Variants in PHLDB3 observed in about 807,000 individuals in gnomAD.
PHLDB3 encodes the protein pleckstrin homology-like domain family B member 3.
In PHLDB3, 86 loss-of-function variants were observed where a neutral mutation model predicts 85.7. The ratio of observed to expected loss-of-function variants is 1.00; its 90% CI spans 0.84 to 1.20. The LOEUF (loss-of-function observed/expected upper bound fraction) is 1.20, where lower values mean the gene tolerates loss of function less well. PHLDB3 is among the 50% of genes most tolerant of loss of function. The pLI, the probability that PHLDB3 is intolerant of heterozygous loss-of-function variation, is 0.00. For missense variants in PHLDB3, 995 were observed against 873.0 expected, an observed-to-expected ratio of 1.14 and a Z score of -1.76; for synonymous variants, 376 against 349.8, an observed-to-expected ratio of 1.07 and a Z score of -0.83.
At chr19:43,493,846 C>A (rs2145928964) in intron 9 of PHLDB3, among the ~76,000 whole-genome samples, 1 of 152,104 alleles carries the variant, frequency 6.6e-6, no homozygotes, top group South Asian at 2.1e-4. Context: ...GTTGAATATC[C>A]CTTCTCCAAA....
chr19:43,487,185 C>A (rs2145911649), intron 9 of PHLDB3, 62 bp from the exon 10 acceptor site: 1 of 1,407,724 alleles, frequency 7.1e-7, no homozygotes, highest in Non-Finnish European at 9.8e-7. Flanking sequence ...TAAGTCAGAG[C>A]ACTGCCCAGT....
chr19:43,486,732 T>C (rs376455272), intron 11 of PHLDB3, 36 bp from the exon 12 acceptor site: 35 of 1,612,590 alleles, frequency 2.2e-5, no homozygotes, highest in Non-Finnish European at 2.8e-5. Context: ...TGGGTTACAG[T>C]GGCTGGGCCT....
chr19:43,498,784 C>A (rs1450296889), intron 4 of PHLDB3, among the ~76,000 whole-genome samples: 1 of 152,056 alleles, frequency 6.6e-6, no homozygotes, highest in African/African-American at 2.4e-5. Flanking sequence ...AATCAGGGAG[C>A]ATTTGGATCT....
At chr19:43,501,893 T>C (rs1382455676) in intron 3 of PHLDB3, 22 bp from the exon 4 acceptor site, 1 of 1,571,330 alleles carries the variant, frequency 6.4e-7, no homozygotes, top group Non-Finnish European at 8.6e-7. Context: ...ATGCCAGGGC[T>C]GGGGGCTCGG....
chr19:43,502,196 G>GGCGCC lies in PHLDB3; in HGVS notation c.296_300dup (p.Leu101GlyfsTer11). ...AATGCCTCCAGCTGCTGTCCTTGCA[G>GGCGCC]GCGCCGCGCCGCCCCTCGCACCCCT... On this transcript the variant is annotated frameshift_variant, in exon 3 of 16. Transcript: ENST00000292140. LOFTEE classifies it high-confidence loss of function. 6.4e-7 allele frequency: 1 copy of GGCGCC among 1,571,822 alleles called. No individual in the cohort carries two copies. Among genetic ancestry groups the GGCGCC allele is most frequent in the East Asian group, 2.4e-5 (1 of 42,330 alleles).
chr19:43,497,940 T>C (rs1338801376), intron 4 of PHLDB3, 64 bp from the exon 5 acceptor site: 2 of 1,544,008 alleles, frequency 1.3e-6, no homozygotes, highest in East Asian at 2.4e-5. Context: ...CAGCCAGCCA[T>C]ATCTCAGAGC....
chr19:43,477,093 C>T (rs374864558), intron 15 of PHLDB3, among the ~76,000 whole-genome samples: 6 of 152,184 alleles, frequency 3.9e-5, no homozygotes, highest in Non-Finnish European at 5.9e-5. Context: ...GCATGAGCCA[C>T]GACGCCTGGC....
intron 13 of PHLDB3, chr19:43,485,834 C>A (rs550096511): frequency 2.3e-6 from 1 of 441,266 alleles, no homozygotes; most frequent in Non-Finnish European, 3.0e-6. Context: ...CAGGCATGAG[C>A]CACTGCACCC....
intron 15 of PHLDB3, among the ~76,000 whole-genome samples, chr19:43,476,275 T>C (rs1970925317): frequency 6.6e-6 from 1 of 152,204 alleles, no homozygotes; most frequent in Admixed American, 6.5e-5. Flanking sequence ...GTAAATCCCT[T>C]ATGTCCATAA....
intron 4 of PHLDB3, 101 bp from the exon 5 acceptor site, chr19:43,497,977 G>A: frequency 1.4e-6 from 2 of 1,467,010 alleles, no homozygotes; most frequent in South Asian, 1.4e-5. Context: ...CTGTACAAAG[G>A]CAGGGACTTC....
In PHLDB3 at chr19:43,486,818, G is replaced by A; in HGVS notation, c.1302C>T (p.Tyr434=). The change falls in exon 11 of 16, where the codon TAC becomes TAT. Residue 434 remains tyrosine, a synonymous_variant. Transcript: ENST00000292140. ...CACAGTTCAGCAGCTGGTAGAGGGG[G>A]TATCTGCCGGAGTCCCCCACTGCTG... ...LPPAVGDSGR[Y]PLYQLLNCGR... is the part of the protein sequence containing the mutation. 3 of 1,589,942 alleles carry A rather than the reference G, an allele frequency of 1.9e-6. No homozygotes were observed. Among genetic ancestry groups the A allele is most frequent in the South Asian group, 1.1e-5 (1 of 87,046 alleles).
rs1175914423 is a variant in PHLDB3, at chr19:43,479,422, A to C, written c.1657T>G (p.Trp553Gly). 6.4e-7 allele frequency: 1 copy of C among 1,566,492 alleles called. No individual in the cohort carries two copies. The highest frequency in any genetic ancestry group is 2.4e-5 in the East Asian group (1 of 41,864). Residue 553 changes from tryptophan to glycine, a missense_variant, in exon 14 of 16, where the codon TGG (tryptophan) becomes GGG (glycine). By Grantham distance (184) the Trp-to-Gly change is radical. Transcript: ENST00000292140. ...CGGGCTTGGCGGTCAAAGCAGAACC[A>C]TCGCTTCCTCCAGGTCTTGATGCGG... ...GGRIKTWRKRWFCFDRQARRL... is the reference protein window; with the variant it reads ...GGRIKTWRKRGFCFDRQARRL...
chr19:43,477,554 C>T (rs948703301), intron 15 of PHLDB3, among the ~76,000 whole-genome samples: 2 of 148,982 alleles, frequency 1.3e-5, no homozygotes, highest in East Asian at 2.0e-4. Flanking sequence ...CGGTGGTTCA[C>T]GCCTGTAATC....
In PHLDB3 at chr19:43,486,643, G is replaced by A. The variant is rs117243018; in HGVS notation, c.1394C>T (p.Ala465Val). The A allele has an allele frequency of 0.027, 43,668 of 1,613,884 alleles. 790 individuals carry two copies. Among genetic ancestry groups the A allele is most frequent in the Middle Eastern group, 0.038 (232 of 6,054 alleles). The change falls in exon 12 of 16, where the codon GCC becomes GTC. Residue 465 changes from alanine to valine, a missense_variant. Coordinates refer to ENST00000292140, the MANE Select transcript of PHLDB3 (RefSeq NM_198850.4). The part of the protein sequence containing the change: ...IAHMERLLQQ[A>V]MAERERLLKA... ...GAGCAGCCGCTCCCTCTCCGCCATG[G>A]CCTGCTGCAGGAGCCGCTCCATGTG...
chr19:43,504,145 C>A lies in PHLDB3; in HGVS notation c.-14-13G>T. 1 of 1,556,416 alleles carries A rather than the reference C, an allele frequency of 6.4e-7. No homozygotes were observed. Among genetic ancestry groups the A allele is most frequent in the Non-Finnish European group, 8.7e-7 (1 of 1,152,674 alleles). ...GCCGCTGGGACTCCTGCGGGGTGGG[C>A]GGGACCAGAAGCTCCGGGGGCGGGG... is the stretch of plus-strand genomic sequence containing the variant. On this transcript the variant is annotated splice_polypyrimidine_tract_variant and intron_variant, in intron 1 of 15. Transcript: ENST00000292140.
At chr19:43,491,743 T>C (rs1971317771) in intron 9 of PHLDB3, among the ~76,000 whole-genome samples, 1 of 151,120 alleles carries the variant, frequency 6.6e-6, no homozygotes, top group Non-Finnish European at 1.5e-5. Flanking sequence ...CTCAGCTCAC[T>C]GCAACCTCCG....
chr19:43,477,471 G>A (rs531566911), intron 15 of PHLDB3, among the ~76,000 whole-genome samples: 1 of 148,846 alleles, frequency 6.7e-6, no homozygotes, highest in African/African-American at 2.5e-5. Flanking sequence ...GAGCCAAGAT[G>A]GCGCCACCGC....
chr19:43,495,647 C>A (rs769864664), intron 6 of PHLDB3, 27 bp from the exon 7 acceptor site: 3 of 1,592,594 alleles, frequency 1.9e-6, no homozygotes, highest in South Asian at 1.1e-5. Flanking sequence ...TCTGTCACGG[C>A]CCCAGCCAGC....
chr19:43,481,059 C>T lies in PHLDB3; in HGVS notation c.1486-1466G>A, dbSNP rs147013196. On this transcript the variant is annotated intron_variant, in intron 13 of 15. Transcript: ENST00000292140. ...GGGATTTTGTTAAAATGTTAAAATG[C>T]AGACTCTGATTCAGTCATTTCAGGG... is the stretch of plus-strand genomic sequence containing the variant. Among the ~76,000 whole-genome samples the T allele has an allele frequency of 7.6e-4, 115 of 152,292 alleles. 1 individual carries two copies. Among genetic ancestry groups the T allele is most frequent in the African/African-American group, 2.6e-3 (106 of 41,554 alleles).
Sources: gnomAD v4.1 joint callset for allele counts (sites outside exome capture counted in the v4.1 genomes callset) on GRCh38, gnomAD v4.1.1 for gene constraint, MANE v1.5 for transcripts, NCBI Gene and HGNC (gene_info 2026-07-23, HGNC 2026-07-21) for gene names.